The following PLAAT1 variants were observed in gnomAD, a reference collection of about 807,000 sequenced individuals.
PLAAT1 encodes phospholipase A and acyltransferase 1.
In PLAAT1, 13 loss-of-function variants were observed where a neutral mutation model predicts 16.4. That is an observed-to-expected ratio of 0.79 (90% CI 0.52 to 1.26). PLAAT1 has a LOEUF of 1.26. Ranked by LOEUF, PLAAT1 falls within the 50% of genes most tolerant of loss-of-function variation. PLAAT1 has a pLI of 0.00. For synonymous variants in PLAAT1, 73 were observed against 78.4 expected, an observed-to-expected ratio of 0.93 and a Z score of 0.36; for missense variants, 218 against 207.8, an observed-to-expected ratio of 1.05 and a Z score of -0.30.
At chr3:193,275,189 C>T, downstream of PLAAT1, 1 of 1,614,094 alleles carries the variant, frequency 6.2e-7, no homozygotes. Flanking sequence ...TTATGGGAGG[C>T]CAGGTTGAGT....
chr3:193,255,793 AG>A lies in PLAAT1; in HGVS notation c.139+6del. 6.3e-7 allele frequency: 1 copy of A among 1,575,542 alleles called. No individual in the cohort carries two copies. The highest frequency in any genetic ancestry group is 8.6e-7 in the Non-Finnish European group (1 of 1,158,332). Reference sequence around the variant, plus strand: ...GTTATCAACATAGCACCTGTAGGTGAGGTTTATTTCCAGTGGCTCCTGGGAG... The same window carrying A: ...GTTATCAACATAGCACCTGTAGGTGAGTTTATTTCCAGTGGCTCCTGGGAG... On this transcript the variant is annotated splice_donor_5th_base_variant and intron_variant, in intron 2 of 3. Coordinates refer to ENST00000264735, the MANE Select transcript of PLAAT1 (RefSeq NM_020386.5).
chr3:193,261,727 G>A lies in PLAAT1; in HGVS notation c.140-1243G>A, dbSNP rs112815440. Among the ~76,000 whole-genome samples, 27 of 152,212 alleles carry A rather than the reference G, an allele frequency of 1.8e-4. No individual in the cohort carries two copies. In the South Asian group the frequency reaches 2.7e-3, roughly 15 times the overall value. On this transcript the variant is annotated intron_variant, in intron 2 of 3. Coordinates refer to ENST00000264735, the MANE Select transcript of PLAAT1 (RefSeq NM_020386.5). ...AATTCCATATTATTGTGGTTTGAGC[G>A]TTCAGGTTTGATCCTGTAGATTGAT...
At chr3:193,278,093 C>A (rs1270188277), downstream of PLAAT1, among the ~76,000 whole-genome samples, 1 of 152,208 alleles carries the variant, frequency 6.6e-6, no homozygotes, top group South Asian at 2.1e-4. Flanking sequence ...CATGAGCCAC[C>A]ATGCCTGACC....
downstream of PLAAT1, among the ~76,000 whole-genome samples, chr3:193,271,938 A>G (rs1465130462): frequency 1.3e-5 from 2 of 152,080 alleles, no homozygotes; most frequent in South Asian, 2.1e-4. Context: ...GAGACCCTAT[A>G]TCTCGTCCCT....
chr3:193,240,999 G>A (rs958708773), upstream of PLAAT1: 8 of 361,286 alleles, frequency 2.2e-5, no homozygotes, highest in Non-Finnish European at 3.4e-5. Context: ...CGAGACGCGG[G>A]TGCGGAGCCG....
chr3:193,280,005 CCCTGTGTA>C (rs1347326536), downstream of PLAAT1, among the ~76,000 whole-genome samples: 20 of 34,072 alleles, frequency 5.9e-4, no homozygotes, highest in African/African-American at 2.1e-3. Context: ...AAAAAAAAAG[CCCTGTGTA>C]CCTGTGTACA....
At chr3:193,244,714 ACT>A (rs1418417006) in intron 1 of PLAAT1, among the ~76,000 whole-genome samples, 2 of 151,846 alleles carry the variant, frequency 1.3e-5, no homozygotes, top group African/African-American at 4.8e-5. Flanking sequence ...GTTGGTGGAG[ACT>A]CTGCAGAGTC....
intron 3 of PLAAT1, among the ~76,000 whole-genome samples, chr3:193,265,061 G>A (rs1023166575): frequency 1.3e-5 from 2 of 152,178 alleles, no homozygotes; most frequent in Admixed American, 1.3e-4. Context: ...TGGTAGGCAT[G>A]TAAAATGATA....
downstream of PLAAT1, among the ~76,000 whole-genome samples, chr3:193,278,093 C>T (rs1270188277): frequency 1.3e-5 from 2 of 152,208 alleles, no homozygotes; most frequent in African/African-American, 4.8e-5. Context: ...CATGAGCCAC[C>T]ATGCCTGACC....
downstream of PLAAT1, chr3:193,275,391 A>T: frequency 8.2e-6 from 12 of 1,471,266 alleles, no homozygotes; most frequent in Non-Finnish European, 1.1e-5. Flanking sequence ...TCCTTTCCCC[A>T]GGCCTTCCTC....
chr3:193,260,755 A>G (rs987328197), intron 2 of PLAAT1, among the ~76,000 whole-genome samples: 2 of 152,154 alleles, frequency 1.3e-5, no homozygotes, highest in African/African-American at 4.8e-5. Context: ...GTGGGAATGT[A>G]AATTAGTTCA....
Position 193,263,099 on chromosome 3 carries a change from AC to A in PLAAT1, c.275del (p.Pro92LeufsTer8), listed in dbSNP as rs1716647856. 1.9e-6 allele frequency: 3 copies of A among 1,614,072 alleles called. No homozygotes were observed. Among genetic ancestry groups the A allele is most frequent in the Non-Finnish European group, 8.5e-7 (1 of 1,179,998 alleles). Reference sequence around the variant, plus strand: ...ATAAACAATAAATACGATGAAACGTACCCCCCTCTCCCTGTGGAAGAAATCA... The same window carrying A: ...ATAAACAATAAATACGATGAAACGTACCCCCTCTCCCTGTGGAAGAAATCA... ...YRINNKYDET[Y>X]PPLPVEEIIK... On this transcript the variant is annotated frameshift_variant, in exon 3 of 4. Coordinates refer to ENST00000264735, the MANE Select transcript of PLAAT1 (RefSeq NM_020386.5). LOFTEE classifies it high-confidence loss of function.
chr3:193,252,218 A>G lies in PLAAT1; in HGVS notation c.1-3433A>G, dbSNP rs375125794. Among the ~76,000 whole-genome samples, 4 of 152,080 alleles carry G rather than the reference A, an allele frequency of 2.6e-5. No individual in the cohort carries two copies. In the East Asian group the frequency reaches 5.8e-4, roughly 22 times the overall value. On this transcript the variant is annotated intron_variant, in intron 1 of 3. Coordinates refer to ENST00000264735, the MANE Select transcript of PLAAT1 (RefSeq NM_020386.5). ...GGTGGGAGGCACCACACTCTTTTAA[A>G]CAACCAGATCTCTTGTGAACTCAGT...
chr3:193,269,554 A>G (rs1158600874), intron 3 of PLAAT1, among the ~76,000 whole-genome samples: 1 of 152,204 alleles, frequency 6.6e-6, no homozygotes, highest in Non-Finnish European at 1.5e-5. Context: ...TCCACGGTGG[A>G]AGGCTGTGGT....
At chr3:193,258,777 A>C (rs1400247568) in intron 2 of PLAAT1, among the ~76,000 whole-genome samples, 1 of 151,988 alleles carries the variant, frequency 6.6e-6, no homozygotes, top group African/African-American at 2.4e-5. Flanking sequence ...AAAACTACCA[A>C]CCGAAAAAAG....
rs146911735 is a variant in PLAAT1 at position 193,277,034 on chromosome 3, C to T, written c.*60-602C>T. Among the ~76,000 whole-genome samples the T allele has an allele frequency of 5.0e-4, 76 of 152,198 alleles. 1 individual carries two copies. The East Asian group carries it at 0.014, about 28-fold the overall frequency. ...CCAGAATTCAAAGGAGAATGGACTACCTCTTGGCCTGTGTACCTTTGACAG... is the reference window on the plus strand; with the variant it reads ...CCAGAATTCAAAGGAGAATGGACTATCTCTTGGCCTGTGTACCTTTGACAG... On this transcript the variant is annotated intron_variant and NMD_transcript_variant, in intron 2 of 2. Transcript: ENST00000416012.
downstream of PLAAT1, among the ~76,000 whole-genome samples, chr3:193,279,010 A>T (rs180693430): frequency 2.0e-5 from 3 of 152,252 alleles, no homozygotes; most frequent in Admixed American, 2.0e-4. Context: ...TCCCTTTATA[A>T]CTACTTTATA....
At chr3:193,255,572 C>A in intron 1 of PLAAT1, 79 bp from the exon 2 acceptor site, 2 of 1,359,224 alleles carry the variant, frequency 1.5e-6, no homozygotes, top group Non-Finnish European at 2.0e-6. Flanking sequence ...CTGTATCATT[C>A]TGCTTTTATG....
upstream of PLAAT1, chr3:193,241,094 G>A: frequency 1.3e-6 from 1 of 777,472 alleles, no homozygotes; most frequent in Non-Finnish European, 1.7e-6. Context: ...CGGCTGCGTC[G>A]GGGCGCGAGA....
Sources: gnomAD v4.1 joint callset for allele counts (sites outside exome capture counted in the v4.1 genomes callset) on GRCh38, gnomAD v4.1.1 for gene constraint, MANE v1.5 for transcripts, NCBI Gene and HGNC (gene_info 2026-07-23, HGNC 2026-07-21) for gene names.